DHX36: variants seen among roughly 807,000 people sequenced by gnomAD.
The protein encoded by DHX36 is DEAH-box helicase 36, also known as ATP-dependent DNA/RNA helicase DHX36.
Under a neutral mutation model 139.0 loss-of-function variants are expected in DHX36, and 50 were observed. The ratio of observed to expected loss-of-function variants is 0.36; its 90% CI spans 0.29 to 0.46. DHX36 has a LOEUF of 0.46. Ranked by LOEUF, DHX36 falls within the 20% of genes least tolerant of loss-of-function variation. The pLI is 1.00. For missense variants in DHX36, 1,024 were observed against 1,211.3 expected (o/e 0.85, Z 2.29); for synonymous variants, 425 against 401.9 (o/e 1.06, Z -0.69).
chr3:154,313,124 A>ATAAG (rs1320349792), intron 3 of DHX36, among the ~76,000 whole-genome samples: 1 of 151,812 alleles, frequency 6.6e-6, no homozygotes, highest in Non-Finnish European at 1.5e-5. Flanking sequence ...TTTTAATGAC[A>ATAAG]TAAGTATTAA....
chr3:154,284,559 C>G, intron 19 of DHX36, 24 bp downstream of exon 19: 1 of 1,533,790 alleles, frequency 6.5e-7, no homozygotes, highest in Non-Finnish European at 8.9e-7. Flanking sequence ...TATCATAATC[C>G]AGGACAAAAT....
chr3:154,281,066 T>C (rs1719319253), intron 20 of DHX36, among the ~76,000 whole-genome samples: 1 of 152,144 alleles, frequency 6.6e-6, no homozygotes, highest in East Asian at 1.9e-4. Flanking sequence ...CACCCATTCA[T>C]CTACATTTGG....
Position 154,312,900 on chromosome 3 carries a change from T to TATATATATAA in DHX36, c.604-1227_604-1226insTTATATATAT, listed in dbSNP as rs1331669290. Among the ~76,000 whole-genome samples the TATATATATAA allele has an allele frequency of 1.6e-3, 108 of 67,580 alleles. 3 individuals carry two copies. The highest frequency in any genetic ancestry group is 2.4e-3 in the East Asian group (4 of 1,662). 44.3% of individuals were successfully genotyped at this position (67,580 alleles called of 152,430 possible). ...ATATATATATATATATATATATATA[T>TATATATATAA]AAAATAAATAAAGAACTGTCTTTGG... On this transcript the variant is annotated intron_variant, in intron 3 of 24. Transcript: ENST00000496811.
chr3:154,280,479 GAAT>G, intron 22 of DHX36, 97 bp downstream of exon 22: 1 of 848,392 alleles, frequency 1.2e-6, no homozygotes. Context: ...ACCCACATAT[GAAT>G]AAGAACAAAT....
In DHX36 at chr3:154,316,086, A is replaced by C. The variant is rs1159630633; in HGVS notation, c.321T>G (p.Asp107Glu). ...AGGATATCTGTGCTTCTGACTCTTT[A>C]TCATTCTTCGCTTGAACAGAATTCA... ...QLLNSVQAKN[D>E]KESEAQISWF... Residue 107 changes from aspartate to glutamate, a missense_variant, in exon 2 of 25, where the codon GAT becomes GAG. Physicochemically the swap from Asp to Glu is conservative, Grantham distance 45. Transcript: ENST00000496811. The C allele has an allele frequency of 1.9e-6, 3 of 1,613,302 alleles. No homozygotes were observed. The highest frequency in any genetic ancestry group is 3.3e-5 in the Admixed American group (2 of 59,928).
intron 4 of DHX36, among the ~76,000 whole-genome samples, chr3:154,310,911 G>A (rs531978941): frequency 3.9e-5 from 5 of 129,184 alleles, no homozygotes; most frequent in Admixed American, 8.7e-5. Flanking sequence ...ACATAGATGT[G>A]TATATATCAG....
At chr3:154,292,810 G>A (rs1007837708) in intron 14 of DHX36, 116 bp from the exon 15 acceptor site, 4 of 1,431,932 alleles carry the variant, frequency 2.8e-6, no homozygotes, top group Non-Finnish European at 1.8e-6. Flanking sequence ...GTATTTCAGA[G>A]CATTTTTTTT....
intron 11 of DHX36, 47 bp from the exon 12 acceptor site, chr3:154,299,972 T>C: frequency 7.7e-7 from 1 of 1,302,396 alleles, no homozygotes; most frequent in Non-Finnish European, 1.1e-6. Flanking sequence ...ATCAACAAAA[T>C]GCAGTAACAG....
Position 154,305,909 on chromosome 3 carries a change from G to A in DHX36, c.893+307C>T, listed in dbSNP as rs935979759. On this transcript the variant is annotated intron_variant, in intron 6 of 24. Transcript: ENST00000496811. ...AAAAGTCAGTCGGAAGTATATGGAG[G>A]TGGTACTGAAAGGTCTACACAATCT... Among the ~76,000 whole-genome samples the A allele has an allele frequency of 3.3e-5, 5 of 152,188 alleles. No homozygotes were observed. The East Asian group carries it at 5.8e-4, about 18-fold the overall frequency.
At position 154,324,320 on chromosome 3, in the gene DHX36, T is replaced by A; in HGVS notation, c.97A>T (p.Asn33Tyr). 9 of 1,611,312 alleles carry A rather than the reference T, an allele frequency of 5.6e-6. No homozygotes were observed. Among genetic ancestry groups the A allele is most frequent in the Non-Finnish European group, 6.8e-6 (8 of 1,178,802 alleles). ...GGGPAGGHGG[N>Y]RGSGGGGGGG... ...CCGCCGCCTCCTCCGGAGCCTCGGTTACCTCCATGACCCCCTGCTGGCCCC... is the reference window on the plus strand; with the variant it reads ...CCGCCGCCTCCTCCGGAGCCTCGGTAACCTCCATGACCCCCTGCTGGCCCC... Residue 33 changes from asparagine (N) to tyrosine (Y), a missense_variant, in exon 1 of 25, where the codon AAC (asparagine) becomes TAC (tyrosine). Physicochemically the swap from Asn to Tyr is moderately radical, Grantham distance 143. Coordinates refer to ENST00000496811, the MANE Select transcript of DHX36 (RefSeq NM_020865.3).
intron 12 of DHX36, among the ~76,000 whole-genome samples, chr3:154,298,832 T>C (rs1712145124): frequency 6.6e-6 from 1 of 152,192 alleles, no homozygotes; most frequent in Admixed American, 6.5e-5. Context: ...GAGAATCTCA[T>C]GAACCTGGAA....
intron 12 of DHX36, among the ~76,000 whole-genome samples, chr3:154,299,377 A>C (rs1371889303): frequency 1.2e-5 from 1 of 80,518 alleles, no homozygotes; most frequent in African/African-American, 3.4e-5. Flanking sequence ...ATTTTATAGA[A>C]AAAAAGGTTC....
chr3:154,288,737 T>C, intron 17 of DHX36, 129 bp downstream of exon 17: 2 of 444,508 alleles, frequency 4.5e-6, no homozygotes. Context: ...GATAGTCAAA[T>C]AGCCAATCAA....
At chr3:154,294,443 C>A (rs1341707318) in intron 13 of DHX36, among the ~76,000 whole-genome samples, 1 of 152,174 alleles carries the variant, frequency 6.6e-6, no homozygotes, top group African/African-American at 2.4e-5. Flanking sequence ...GTAGTCAATA[C>A]AGAAAATGTT....
chr3:154,300,694 T>C lies in DHX36; in HGVS notation c.1361A>G (p.Tyr454Cys). Residue 454 changes from tyrosine (Y) to cysteine (C), a missense_variant and splice_region_variant, in exon 11 of 25, where the codon TAT becomes TGT. This residue lies in a region of DHX36 where 115 missense variants were observed against 105.6 expected (regional missense o/e 1.09). Coordinates refer to ENST00000496811, the MANE Select transcript of DHX36 (RefSeq NM_020865.3). Reference sequence around the variant, plus strand: ...TATAACATCTACAGTACTTGCAGAATACCTATCAAAGTTAAACACAAAGTC... The same window carrying C: ...TATAACATCTACAGTACTTGCAGAACACCTATCAAAGTTAAACACAAAGTC... ...PDYVRELRRR[Y>C]SASTVDVIEM... is the part of the protein sequence containing the mutation. The C allele has an allele frequency of 6.2e-7, 1 of 1,605,348 alleles. No individual in the cohort carries two copies. The highest frequency in any genetic ancestry group is 8.5e-7 in the Non-Finnish European group (1 of 1,175,074).
rs1032452693 is a variant in DHX36, at chr3:154,300,510, T to C, written c.1461+84A>G. 4.0e-5 allele frequency: 42 copies of C among 1,058,262 alleles called. No homozygotes were observed. The Admixed American group carries it at 9.0e-4, about 23-fold the overall frequency. 65.6% of individuals were successfully genotyped at this position (1,058,262 alleles called of 1,614,324 possible). A position where few individuals can be genotyped will look rare whatever the true frequency, so the allele number is the denominator to read the frequency against. On this transcript the variant is annotated intron_variant, in intron 11 of 24. Transcript: ENST00000496811. ...TTTCTTCCAGTCTATTTCATAAGCA[T>C]TTAAGAAAACTGTATTTTTCATGGC...
Position 154,275,054 on chromosome 3 carries a change from C to T in DHX36, c.*1117G>A, listed in dbSNP as rs1719106652. 6.6e-6 allele frequency: 1 copy of T among 152,144 alleles called. No individual in the cohort carries two copies. The highest frequency in any genetic ancestry group is 1.5e-5 in the Non-Finnish European group (1 of 68,038). 9.4% of individuals were successfully genotyped at this position (152,144 alleles called of 1,614,324 possible). A position where few individuals can be genotyped will look rare whatever the true frequency, so the allele number is the denominator to read the frequency against. On this transcript the variant is annotated 3_prime_UTR_variant, in exon 25 of 25. Coordinates refer to ENST00000496811, the MANE Select transcript of DHX36 (RefSeq NM_020865.3). ...AGATTCAGAGAGTACAGGCACTAGC[C>T]TATGTGCTTTACATGTATTAATGTA...
At chr3:154,292,960 C>T (rs1711883062) in intron 14 of DHX36, among the ~76,000 whole-genome samples, 1 of 152,082 alleles carries the variant, frequency 6.6e-6, no homozygotes, top group African/African-American at 2.4e-5. Flanking sequence ...TTCTTCAGAT[C>T]ATATACTAAA....
In DHX36 at chr3:154,303,392, T is replaced by C. The variant is rs139842779; in HGVS notation, c.1154A>G (p.His385Arg). ...SEYFGNCPMIHIPGFTFPVVE... is the reference protein window; with the variant it reads ...SEYFGNCPMIRIPGFTFPVVE... ...AACCGGAAAGGTAAAACCAGGTATA[T>C]GTATCATTGGACAGTTACCTATTAC... The change falls in exon 9 of 25, where the codon CAT (histidine) becomes CGT (arginine). Residue 385 changes from histidine (H) to arginine (R), a missense_variant. This residue lies in a region of DHX36 where 146 missense variants were observed against 215.0 expected (regional missense o/e 0.68). Coordinates refer to ENST00000496811, the MANE Select transcript of DHX36 (RefSeq NM_020865.3). The C allele has an allele frequency of 6.2e-6, 10 of 1,605,848 alleles. No individual in the cohort carries two copies. In the Admixed American group the frequency reaches 1.5e-4, roughly 25 times the overall value.
Sources: allele counts gnomAD v4.1 joint callset (sites outside exome capture counted in the v4.1 genomes callset), GRCh38; gene constraint gnomAD v4.1.1; regional missense constraint gnomAD v4.1.1; transcripts MANE v1.5; gene names NCBI Gene and HGNC (gene_info 2026-07-23, HGNC 2026-07-21).